ZSWIM3: variants seen among roughly 807,000 people sequenced by gnomAD.
ZSWIM3 encodes the protein zinc finger SWIM-type containing 3, also known as zinc finger SWIM domain-containing protein 3.
A neutral mutation model predicts 47.5 loss-of-function variants in ZSWIM3; 27 were observed. The ratio of observed to expected loss-of-function variants is 0.57; its 90% CI spans 0.42 to 0.78. ZSWIM3 has a LOEUF of 0.78. ZSWIM3 is among the 30% of genes least tolerant of loss of function. The pLI is 0.00. For synonymous variants in ZSWIM3, 333 were observed against 333.9 expected, an observed-to-expected ratio of 1.00 and a Z score of 0.03; for missense variants, 689 against 861.3, an observed-to-expected ratio of 0.80 and a Z score of 2.50.
At chr20:45,868,115 A>C (rs1180916523) in intron 1 of ZSWIM3, among the ~76,000 whole-genome samples, 1 of 152,240 alleles carries the variant, frequency 6.6e-6, no homozygotes, top group Admixed American at 6.6e-5. Context: ...GAGATACATT[A>C]AGCATCAAGG....
chr20:45,867,002 A>ATTTT (rs35863246), intron 1 of ZSWIM3, among the ~76,000 whole-genome samples: 6 of 137,476 alleles, frequency 4.4e-5, no homozygotes, highest in Non-Finnish European at 6.1e-5. Context: ...CAAGTTAGAA[A>ATTTT]TTTTTTTTTT....
intron 1 of ZSWIM3, among the ~76,000 whole-genome samples, chr20:45,866,015 G>GA (rs919086513): frequency 1.0e-4 from 14 of 137,942 alleles, no homozygotes; most frequent in Admixed American, 2.2e-4. Context: ...AAAAGAAAAA[G>GA]AAAAAAAAAA....
chr20:45,863,470 GA>G (rs900840531), intron 1 of ZSWIM3, among the ~76,000 whole-genome samples: 1 of 152,126 alleles, frequency 6.6e-6, no homozygotes, highest in African/African-American at 2.4e-5. Context: ...CTCTTGCTCA[GA>G]AAAAACTGTC....
At position 45,878,805 on chromosome 20, in the gene ZSWIM3, T is replaced by G; in HGVS notation, c.*156T>G. The G allele has an allele frequency of 1.0e-6, 1 of 973,400 alleles. No homozygotes were observed. The highest frequency in any genetic ancestry group is 1.5e-6 in the Non-Finnish European group (1 of 685,860). The allele number at this position is 973,400 out of a possible 1,614,324, so 60.3% of individuals were successfully genotyped here. A position where few individuals can be genotyped will look rare whatever the true frequency, so the allele number is the denominator to read the frequency against. On this transcript the variant is annotated 3_prime_UTR_variant, in exon 2 of 2. Coordinates refer to ENST00000255152, the MANE Select transcript of ZSWIM3 (RefSeq NM_080752.4). ...AGTAGAGAGGAAGGGAACTCCACTG[T>G]GTGACAGTCCTTTCAATCTGCCCCT...
chr20:45,875,313 A>T (rs2145792612), intron 1 of ZSWIM3, among the ~76,000 whole-genome samples: 1 of 152,048 alleles, frequency 6.6e-6, no homozygotes, highest in African/African-American at 2.4e-5. Flanking sequence ...AAGTGGTGGG[A>T]TTACAGGCGT....
intron 1 of ZSWIM3, among the ~76,000 whole-genome samples, chr20:45,873,136 T>A (rs1986013244): frequency 6.6e-6 from 1 of 152,162 alleles, no homozygotes; most frequent in African/African-American, 2.4e-5. Flanking sequence ...GCGCAGTTGC[T>A]CACGCCTGTA....
intron 1 of ZSWIM3, among the ~76,000 whole-genome samples, chr20:45,865,248 G>A (rs1361506456): frequency 5.3e-5 from 8 of 151,894 alleles, no homozygotes; most frequent in South Asian, 2.1e-4. Flanking sequence ...GAACCTGGGA[G>A]GCAGAGGTTG....
intron 1 of ZSWIM3, among the ~76,000 whole-genome samples, chr20:45,875,833 C>CT (rs901515310): frequency 6.6e-5 from 10 of 151,462 alleles, no homozygotes; most frequent in African/African-American, 1.9e-4. Flanking sequence ...GAATCCTTTT[C>CT]TTTTTTTTAA....
rs765509748 is a variant in ZSWIM3, at chr20:45,878,182, G to A, written c.1624G>A (p.Val542Ile). ...TCAGCTGCTAGAGGACTCTCACCAG[G>A]TTAGCAAAGATGGCTGTAGCTGCAG... is the stretch of plus-strand genomic sequence containing the variant. Reference protein sequence around the residue: ...DVQLLEDSHQVSKDGCSCSCS... With the variant: ...DVQLLEDSHQISKDGCSCSCS... Residue 542 changes from valine (V) to isoleucine (I), a missense_variant, in exon 2 of 2, where the codon GTT (valine) becomes ATT (isoleucine). By Grantham distance (29) the Val-to-Ile change is conservative. Transcript: ENST00000255152. 6.8e-6 allele frequency: 11 copies of A among 1,614,178 alleles called. No homozygotes were observed. The highest frequency in any genetic ancestry group is 9.3e-6 in the Non-Finnish European group (11 of 1,180,046).
rs1298952736 is a variant in ZSWIM3 at position 45,877,986 on chromosome 20, A to G, written c.1428A>G (p.Ala476=). ...CTGCAGAAGAGACCAAGCCAGACGC[A>G]CAGCAGGTACAGGTACAGCAGCAGT... The part of the protein sequence containing the change: ...SLPAEETKPD[A]QQVQVQQQSQ... Residue 476 remains alanine, a synonymous_variant, in exon 2 of 2, where the codon GCA becomes GCG. Transcript: ENST00000255152. The G allele has an allele frequency of 1.2e-6, 2 of 1,614,046 alleles. No individual in the cohort carries two copies. Among genetic ancestry groups the G allele is most frequent in the African/African-American group, 2.7e-5 (2 of 74,916 alleles).
intron 1 of ZSWIM3, among the ~76,000 whole-genome samples, chr20:45,873,117 C>T (rs892857472): frequency 6.6e-6 from 1 of 152,102 alleles, no homozygotes; most frequent in Non-Finnish European, 1.5e-5. Context: ...TAAGCATCTG[C>T]TGAGCCGGGC....
Position 45,857,641 on chromosome 20 carries a change from C to G in ZSWIM3, c.-185C>G, listed in dbSNP as rs1985558191. 4.0e-6 allele frequency: 3 copies of G among 742,150 alleles called. No individual in the cohort carries two copies. The highest frequency in any genetic ancestry group is 4.5e-6 in the Non-Finnish European group (2 of 444,220). 46.0% of individuals were successfully genotyped at this position (742,150 alleles called of 1,614,324 possible). On this transcript the variant is annotated 5_prime_UTR_variant, in exon 1 of 2. Transcript: ENST00000255152. The stretch of plus-strand genomic sequence containing the variant: ...CAGATAGCAAATACACCCCCTTCCT[C>G]TTGTAACCCGGTCAGGCCTAGGGTT...
At chr20:45,861,103 C>T (rs780895339) in intron 1 of ZSWIM3, among the ~76,000 whole-genome samples, 11 of 152,054 alleles carry the variant, frequency 7.2e-5, no homozygotes, top group Non-Finnish European at 1.5e-4. Context: ...ATGAGATCCC[C>T]GTCTCCACAA....
At chr20:45,874,881 TAAAG>T (rs1986053002) in intron 1 of ZSWIM3, among the ~76,000 whole-genome samples, 3 of 152,012 alleles carry the variant, frequency 2.0e-5, no homozygotes, top group African/African-American at 7.3e-5. Context: ...GAGAGGCTCT[TAAAG>T]AAAGAGCTGA....
rs763185273 is a variant in ZSWIM3, at chr20:45,878,293, A to G, written c.1735A>G (p.Met579Val). 6.2e-7 allele frequency: 1 copy of G among 1,614,100 alleles called. No individual in the cohort carries two copies. Among genetic ancestry groups the G allele is most frequent in the Non-Finnish European group, 8.5e-7 (1 of 1,180,034 alleles). The change falls in exon 2 of 2, where the codon ATG (methionine) becomes GTG (valine). Residue 579 changes from methionine to valine, a missense_variant. Transcript: ENST00000255152. ...HTSQQPVGEA[M>V]VCRRWQKKYQ... ...CAGCCAGCAGCCGGTTGGTGAAGCC[A>G]TGGTGTGCCGCCGGTGGCAGAAGAA...
chr20:45,878,948 G>GAT lies in ZSWIM3; in HGVS notation c.*299_*300insAT, dbSNP rs1383118844. 1 of 321,560 alleles carries GAT rather than the reference G, an allele frequency of 3.1e-6. No individual in the cohort carries two copies. Among genetic ancestry groups the GAT allele is most frequent in the African/African-American group, 2.1e-5 (1 of 47,644 alleles). 19.9% of individuals were successfully genotyped at this position (321,560 alleles called of 1,614,324 possible). ...CAGCCCCTGAGATCAGATCTTATTTGCTCTGCAAAGATGAATCCCTGCCTC... is the reference window on the plus strand; with the variant it reads ...CAGCCCCTGAGATCAGATCTTATTTGATCTCTGCAAAGATGAATCCCTGCCTC... On this transcript the variant is annotated 3_prime_UTR_variant, in exon 2 of 2. Transcript: ENST00000255152.
intron 1 of ZSWIM3, among the ~76,000 whole-genome samples, chr20:45,874,216 AAAAG>A (rs1316732478): frequency 2.0e-5 from 3 of 152,148 alleles, no homozygotes; most frequent in East Asian, 1.9e-4. Flanking sequence ...CTTGTCTCAA[AAAAG>A]AAAGAAAGAG....
At chr20:45,875,745 CCCTCCTTGG>C (rs1263213084) in intron 1 of ZSWIM3, among the ~76,000 whole-genome samples, 6 of 36,012 alleles carry the variant, frequency 1.7e-4, no homozygotes, top group Admixed American at 4.1e-4. Context: ...TTGTGATCTG[CCCTCCTTGG>C]CCTCCCAAAG....
intron 1 of ZSWIM3, 45 bp from the exon 2 acceptor site, chr20:45,876,669 G>A (rs1601119057): frequency 1.3e-6 from 2 of 1,573,714 alleles, no homozygotes; most frequent in Non-Finnish European, 1.7e-6. Context: ...ATAAGGGGTG[G>A]GGGGTGGTCA....
Sources: gnomAD v4.1 joint callset for allele counts (sites outside exome capture counted in the v4.1 genomes callset) on GRCh38, gnomAD v4.1.1 for gene constraint, MANE v1.5 for transcripts, NCBI Gene and HGNC (gene_info 2026-07-23, HGNC 2026-07-21) for gene names.